Variants in SNTG1 observed in about 807,000 individuals in gnomAD.
SNTG1 encodes the protein gamma-1-syntrophin.
Under a neutral mutation model 74.7 loss-of-function variants are expected in SNTG1, and 39 were observed. That is an observed-to-expected ratio of 0.52 (90% confidence interval 0.40 to 0.68). The LOEUF is 0.68. Among genes scored for constraint, SNTG1 ranks in the 30% least tolerant of loss-of-function variants. The pLI, the probability that SNTG1 is intolerant of heterozygous loss-of-function variation, is 0.00. For synonymous variants in SNTG1, 254 were observed against 217.1 expected (o/e 1.17, Z -1.49); for missense variants, 685 against 609.5 (o/e 1.12, Z -1.30).
At chr8:50,107,265 T>G (rs181737997) in intron 1 of SNTG1, among the ~76,000 whole-genome samples, 295 of 152,276 alleles carry the variant, frequency 1.9e-3, no homozygotes, top group Non-Finnish European at 3.2e-3. Context: ...CATGAAAGAA[T>G]AAGGTATGGA....
At chr8:50,700,125 G>A (rs1019408011) in intron 15 of SNTG1, among the ~76,000 whole-genome samples, 2 of 152,158 alleles carry the variant, frequency 1.3e-5, no homozygotes, top group Non-Finnish European at 2.9e-5. Flanking sequence ...GGGTGAGAAA[G>A]AGGAATATAT....
intron 8 of SNTG1, among the ~76,000 whole-genome samples, chr8:50,463,488 A>G (rs973884367): frequency 1.3e-5 from 2 of 152,104 alleles, no homozygotes; most frequent in Non-Finnish European, 2.9e-5. Flanking sequence ...AATTAATCTT[A>G]TTTTACATCT....
chr8:50,233,023 A>C (rs1164233199), intron 2 of SNTG1, among the ~76,000 whole-genome samples: 1 of 151,638 alleles, frequency 6.6e-6, no homozygotes, highest in Non-Finnish European at 1.5e-5. Flanking sequence ...AATTCCTGCC[A>C]AAATTTCAAC....
chr8:50,038,143 A>C (rs553232945), intron 1 of SNTG1, among the ~76,000 whole-genome samples: 231 of 152,282 alleles, frequency 1.5e-3, no homozygotes, highest in Non-Finnish European at 2.6e-3. Context: ...TGTGCTTGAC[A>C]ATTGCCCATA....
intron 1 of SNTG1, among the ~76,000 whole-genome samples, chr8:50,113,890 A>G (rs965078255): frequency 3.3e-5 from 5 of 151,870 alleles, no homozygotes; most frequent in Non-Finnish European, 5.9e-5. Context: ...GTGCACATGT[A>G]CCCTAGAACT....
At chr8:49,986,718 CAA>C (rs10659343) in intron 1 of SNTG1, among the ~76,000 whole-genome samples, 17 of 138,158 alleles carry the variant, frequency 1.2e-4, no homozygotes, top group African/African-American at 3.4e-4. Context: ...ACAAAAAGTA[CAA>C]AAAAAAAAAA....
intron 1 of SNTG1, among the ~76,000 whole-genome samples, chr8:50,067,383 C>A (rs1357999651): frequency 6.6e-6 from 1 of 152,088 alleles, no homozygotes; most frequent in African/African-American, 2.4e-5. Flanking sequence ...TACCTTTAAG[C>A]CATTAAGAAG....
intron 15 of SNTG1, among the ~76,000 whole-genome samples, chr8:50,665,045 T>C (rs1257742213): frequency 6.6e-6 from 1 of 152,194 alleles, no homozygotes; most frequent in Non-Finnish European, 1.5e-5. Context: ...ACAGTATTTT[T>C]CATGATACTG....
chr8:50,514,828 A>G (rs1429783425), intron 9 of SNTG1, among the ~76,000 whole-genome samples: 1 of 152,158 alleles, frequency 6.6e-6, no homozygotes, highest in Admixed American at 6.5e-5. Flanking sequence ...GAGGACTTAA[A>G]TGTCATACTA....
At chr8:50,020,924 A>T (rs1350866797) in intron 1 of SNTG1, among the ~76,000 whole-genome samples, 1 of 152,174 alleles carries the variant, frequency 6.6e-6, no homozygotes, top group African/African-American at 2.4e-5. Context: ...TCCTAATCTA[A>T]CATTTTAGAT....
intron 2 of SNTG1, among the ~76,000 whole-genome samples, chr8:50,295,136 G>T (rs754882143): frequency 6.6e-6 from 1 of 152,120 alleles, no homozygotes; most frequent in Non-Finnish European, 1.5e-5. Flanking sequence ...CAAATTTAGG[G>T]AAGAAACAAA....
At chr8:50,442,914 C>G (rs1011209998) in intron 5 of SNTG1, among the ~76,000 whole-genome samples, 5 of 152,126 alleles carry the variant, frequency 3.3e-5, no homozygotes, top group African/African-American at 1.2e-4. Context: ...GGCTGCTTTT[C>G]CCTGCTTGCA....
chr8:50,104,939 A>G (rs999982227), intron 1 of SNTG1, among the ~76,000 whole-genome samples: 2 of 151,894 alleles, frequency 1.3e-5, no homozygotes, highest in African/African-American at 4.8e-5. Flanking sequence ...TGCATATTAG[A>G]CTGTTGTAGG....
At chr8:50,152,733 C>T (rs2082112224) in intron 1 of SNTG1, among the ~76,000 whole-genome samples, 2 of 152,288 alleles carry the variant, frequency 1.3e-5, no homozygotes, top group African/African-American at 2.4e-5. Context: ...TGAATATTGG[C>T]CCCCACTCTC....
intron 18 of SNTG1, among the ~76,000 whole-genome samples, chr8:50,768,221 A>T (rs1385820195): frequency 6.6e-6 from 1 of 151,982 alleles, no homozygotes; most frequent in Non-Finnish European, 1.5e-5. Context: ...TCAAGTCAGA[A>T]ATTGAGGATT....
At chr8:50,307,473 C>T (rs114215364) in intron 2 of SNTG1, among the ~76,000 whole-genome samples, 2,460 of 152,008 alleles carry the variant, frequency 0.016, 65 homozygotes, top group African/African-American at 0.056. Context: ...AATTTCCTCT[C>T]TTCCATCTTT....
chr8:49,951,405 T>C (rs1021818429), intron 1 of SNTG1, among the ~76,000 whole-genome samples: 4 of 152,154 alleles, frequency 2.6e-5, no homozygotes, highest in Admixed American at 1.3e-4. Context: ...CTGAAACCAC[T>C]GAGACACAGA....
chr8:50,449,380 T>C (rs1017841), intron 5 of SNTG1, among the ~76,000 whole-genome samples: 130,991 of 152,200 alleles, frequency 0.86, 56,507 homozygotes, highest in Non-Finnish European at 0.89. Flanking sequence ...TTCTATTGGA[T>C]AGCATTGCTA....
intron 1 of SNTG1, among the ~76,000 whole-genome samples, chr8:49,967,667 G>C (rs1333464927): frequency 1.3e-5 from 2 of 152,164 alleles, no homozygotes; most frequent in African/African-American, 4.8e-5. Context: ...CCAGGTGTCT[G>C]AGTTCAACCC....
Sources: gnomAD v4.1 joint callset for allele counts (sites outside exome capture counted in the v4.1 genomes callset) on GRCh38, gnomAD v4.1.1 for gene constraint, MANE v1.5 for transcripts, NCBI Gene and HGNC (gene_info 2026-07-23, HGNC 2026-07-21) for gene names.